Variants in DCTN5 observed in about 807,000 individuals in gnomAD.
The protein encoded by DCTN5 is dynactin 4.
DCTN5 carries 14 observed loss-of-function variants against 23.5 expected under a neutral mutation model. The observed-to-expected ratio is 0.60, with a 90% CI of 0.39 to 0.93. The LOEUF is 0.93. Among genes scored for constraint, DCTN5 ranks in the 40% least tolerant of loss-of-function variants. DCTN5 has a pLI of 0.00. For synonymous variants in DCTN5, 67 were observed against 79.6 expected, an observed-to-expected ratio of 0.84 and a Z score of 0.84; for missense variants, 156 against 225.9, an observed-to-expected ratio of 0.69 and a Z score of 1.98.
In DCTN5 at chr16:23,667,070, G is replaced by T. The variant is rs114494878; in HGVS notation, c.475G>T (p.Glu159Ter). The T allele has an allele frequency of 1.2e-6, 2 of 1,613,752 alleles. No homozygotes were observed. The highest frequency in any genetic ancestry group is 1.7e-6 in the Non-Finnish European group (2 of 1,180,002). The change falls in exon 6 of 6, where the codon GAG (glutamate) becomes TAG (stop). Residue 159 changes from glutamate (E) to a stop codon, truncating the protein, a stop_gained. Coordinates refer to ENST00000300087, the MANE Select transcript of DCTN5 (RefSeq NM_032486.4). LOFTEE classifies it high-confidence loss of function. ...CPGLFSGELP[E>*]CTQELMIDVT... The stretch of plus-strand genomic sequence containing the variant: ...AGGACTCTTCTCAGGGGAGCTCCCG[G>T]AGTGCACTCAGGAGCTGATGATTGA...
rs774082054 is a variant in DCTN5, at chr16:23,658,555, A to C, written c.166A>C (p.Arg56=). 1 of 1,614,204 alleles carries C rather than the reference A, an allele frequency of 6.2e-7. No individual in the cohort carries two copies. Among genetic ancestry groups the C allele is most frequent in the East Asian group, 2.2e-5 (1 of 44,884 alleles). The change falls in exon 3 of 6, where the codon AGA becomes CGA. Residue 56 remains arginine (R), a synonymous_variant. Transcript: ENST00000300087. ...CIIRGDLANV[R]VGRHCVVKSR... is the part of the protein sequence containing the mutation. ...TATCCGAGGGGATCTGGCAAATGTA[A>C]GAGTTGGACGTCATTGTGTTGTGAA...
At chr16:23,665,388 G>A (rs535168365) in intron 4 of DCTN5, among the ~76,000 whole-genome samples, 4 of 152,320 alleles carry the variant, frequency 2.6e-5, no homozygotes, top group East Asian at 3.9e-4. Flanking sequence ...AGTCTGTAAT[G>A]TCTGAGACAG....
chr16:23,650,986 G>A, intron 2 of DCTN5: 1 of 1,392,614 alleles, frequency 7.2e-7, no homozygotes, highest in South Asian at 1.7e-5. Context: ...TTTTTCAAAA[G>A]CAACTGGAAA....
At chr16:23,650,936 G>T (rs1967591803) in intron 2 of DCTN5, 2 of 1,401,670 alleles carry the variant, frequency 1.4e-6, no homozygotes, top group East Asian at 5.0e-5. Context: ...GGGAATACAG[G>T]CCCACGTGGC....
rs1968070249 is a variant in DCTN5, at chr16:23,675,365, T to G, written c.*8221T>G. The G allele has an allele frequency of 6.6e-6, 1 of 152,152 alleles. No individual in the cohort carries two copies. Among genetic ancestry groups the G allele is most frequent in the Non-Finnish European group, 1.5e-5 (1 of 68,046 alleles). 9.4% of individuals were successfully genotyped at this position (152,152 alleles called of 1,614,324 possible). A position where few individuals can be genotyped will look rare whatever the true frequency, so the allele number is the denominator to read the frequency against. ...AAATGCAAAAATTAGCTGGACATGA[T>G]GGCATGTGCCTTTGGTTCCAGCTAC... On this transcript the variant is annotated 3_prime_UTR_variant, in exon 6 of 6. Coordinates refer to ENST00000300087, the MANE Select transcript of DCTN5 (RefSeq NM_032486.4).
At position 23,667,258 on chromosome 16, in the gene DCTN5, C is replaced by G; in HGVS notation, c.*114C>G. The G allele has an allele frequency of 7.5e-7, 1 of 1,341,548 alleles. No homozygotes were observed. Among genetic ancestry groups the G allele is most frequent in the Non-Finnish European group, 1.0e-6 (1 of 982,448 alleles). The allele number at this position is 1,341,548 out of a possible 1,614,324, so 83.1% of individuals were successfully genotyped here. The stretch of plus-strand genomic sequence containing the variant: ...TGTCTTTGACATCTACCACCCTCCT[C>G]CTTTTAAAAAATTTCTTTAGAATTT... On this transcript the variant is annotated 3_prime_UTR_variant, in exon 6 of 6. Transcript: ENST00000300087.
intron 2 of DCTN5, chr16:23,651,078 C>T (rs1967595297): frequency 1.7e-5 from 23 of 1,372,456 alleles, no homozygotes; most frequent in East Asian, 7.8e-5. Flanking sequence ...TGCCACGTGT[C>T]CTTCCTGTAG....
chr16:23,650,532 G>T (rs1280926741), intron 2 of DCTN5, among the ~76,000 whole-genome samples: 1 of 148,604 alleles, frequency 6.7e-6, no homozygotes, highest in Non-Finnish European at 1.5e-5. Context: ...CACCATGTTG[G>T]CCAGGATGGT....
At chr16:23,658,475 G>A (rs757091769) in intron 2 of DCTN5, 32 bp from the exon 3 acceptor site, 4 of 1,465,254 alleles carry the variant, frequency 2.7e-6, no homozygotes, top group Non-Finnish European at 3.8e-6. Flanking sequence ...AGGCTATGTT[G>A]CTAATTTTTT....
intron 2 of DCTN5, among the ~76,000 whole-genome samples, chr16:23,652,528 ATG>A (rs1291054346): frequency 6.6e-6 from 1 of 152,218 alleles, no homozygotes; most frequent in African/African-American, 2.4e-5. Context: ...CATACAATAA[ATG>A]TATCCATTTT....
At chr16:23,649,377 A>G (rs1314339456) in intron 2 of DCTN5, among the ~76,000 whole-genome samples, 3 of 152,222 alleles carry the variant, frequency 2.0e-5, no homozygotes, top group East Asian at 3.9e-4. Flanking sequence ...ATTGTTTCCT[A>G]TGCTGTGCAG....
In DCTN5 at chr16:23,667,097, G is replaced by A. The variant is rs201363084; in HGVS notation, c.502G>A (p.Val168Ile). The A allele has an allele frequency of 1.2e-5, 19 of 1,613,294 alleles. No individual in the cohort carries two copies. The East Asian group carries it at 2.9e-4, about 25-fold the overall frequency. ...PECTQELMID[V>I]TKSYYQKFLP... Reference sequence around the variant, plus strand: ...GTGCACTCAGGAGCTGATGATTGACGTCACCAAGAGCTACTACCAGAAGTT... The same window carrying A: ...GTGCACTCAGGAGCTGATGATTGACATCACCAAGAGCTACTACCAGAAGTT... The change falls in exon 6 of 6, where the codon GTC becomes ATC. Residue 168 changes from valine (V) to isoleucine (I), a missense_variant. Physicochemically the swap from Val to Ile is conservative, Grantham distance 29. Around this residue, in one of 2 missense-constraint regions of DCTN5, gnomAD observed 3 missense variants for 19.0 expected, o/e 0.16. Transcript: ENST00000300087.
At chr16:23,655,732 A>G (rs953509207) in intron 2 of DCTN5, among the ~76,000 whole-genome samples, 7 of 152,018 alleles carry the variant, frequency 4.6e-5, no homozygotes, top group Admixed American at 4.6e-4. Context: ...TTTTGCAAAG[A>G]TAGGGTTTTG....
At chr16:23,645,118 TATA>T (rs1967416187) in intron 2 of DCTN5, among the ~76,000 whole-genome samples, 7 of 42,510 alleles carry the variant, frequency 1.6e-4, no homozygotes, top group African/African-American at 6.5e-4. Flanking sequence ...TATATATATA[TATA>T]TATATATATA....
At chr16:23,654,253 A>G (rs2140979919) in intron 2 of DCTN5, among the ~76,000 whole-genome samples, 1 of 152,372 alleles carries the variant, frequency 6.6e-6, no homozygotes, top group Non-Finnish European at 1.5e-5. Flanking sequence ...TGTTCACAAT[A>G]GCAAAGACAT....
chr16:23,661,182 T>C lies in DCTN5; in HGVS notation c.249T>C (p.Phe83=). The change falls in exon 4 of 6, where the codon TTT becomes TTC. Residue 83 remains phenylalanine (F), a synonymous_variant. Transcript: ENST00000300087. ...FKKFSKGVAF[F]PLHIGDHVFI... ...TTTCCTCTTCTAGTGTTGCATTCTT[T>C]CCTTTACATATTGGAGACCATGTCT... is the stretch of plus-strand genomic sequence containing the variant. 3 of 1,612,066 alleles carry C rather than the reference T, an allele frequency of 1.9e-6. No homozygotes were observed. Among genetic ancestry groups the C allele is most frequent in the Non-Finnish European group, 2.5e-6 (3 of 1,178,794 alleles).
chr16:23,653,954 C>A (rs1002201180), intron 2 of DCTN5, among the ~76,000 whole-genome samples: 4 of 152,178 alleles, frequency 2.6e-5, no homozygotes, highest in African/African-American at 9.7e-5. Context: ...CATCACTGAT[C>A]ATTAGAGAAG....
chr16:23,649,002 C>T (rs554498335), intron 2 of DCTN5, among the ~76,000 whole-genome samples: 81 of 151,858 alleles, frequency 5.3e-4, no homozygotes, highest in African/African-American at 1.9e-3. Flanking sequence ...GGACTACAGG[C>T]GCACACCACC....
At chr16:23,651,027 T>C in intron 2 of DCTN5, 1 of 1,404,760 alleles carries the variant, frequency 7.1e-7, no homozygotes. Flanking sequence ...GATGTTCCAC[T>C]ACTCAAATAG....
Sources: allele counts gnomAD v4.1 joint callset (sites outside exome capture counted in the v4.1 genomes callset), GRCh38; gene constraint gnomAD v4.1.1; regional missense constraint gnomAD v4.1.1; transcripts MANE v1.5; gene names NCBI Gene and HGNC (gene_info 2026-07-23, HGNC 2026-07-21).